FCHSD2: variants seen among roughly 807,000 people sequenced by gnomAD.
The protein encoded by FCHSD2 is FCH and double SH3 domains 2, also known as F-BAR and double SH3 domains protein 2.
In FCHSD2, 38 loss-of-function variants were observed where a neutral mutation model predicts 108.1. The ratio of observed to expected loss-of-function variants is 0.35; its 90% confidence interval spans 0.27 to 0.46. FCHSD2 has a LOEUF of 0.46. FCHSD2 is among the 20% of genes least tolerant of loss of function. The probability of loss-of-function intolerance (pLI) is 1.00; values close to 1 mark genes in which losing one functional copy is unlikely to be tolerated. For missense variants in FCHSD2, 751 were observed against 897.8 expected (o/e 0.84, Z 2.09); for synonymous variants, 279 against 314.7 (o/e 0.89, Z 1.20).
chr11:73,020,791 A>G (rs1858083552), intron 3 of FCHSD2, among the ~76,000 whole-genome samples: 1 of 151,954 alleles, frequency 6.6e-6, no homozygotes, highest in Admixed American at 6.6e-5. Flanking sequence ...ATTAAAAACT[A>G]AAGGTATCTT....
At chr11:72,925,199 G>C (rs1856053066) in intron 8 of FCHSD2, among the ~76,000 whole-genome samples, 1 of 152,130 alleles carries the variant, frequency 6.6e-6, no homozygotes, top group East Asian at 1.9e-4. Context: ...GAGAAAAGTT[G>C]AAGAAAAGAA....
chr11:72,986,018 G>A (rs1053580896), intron 6 of FCHSD2, among the ~76,000 whole-genome samples: 2 of 152,174 alleles, frequency 1.3e-5, no homozygotes, highest in Non-Finnish European at 2.9e-5. Context: ...GGGACTGGAT[G>A]ATGGAGCAGT....
intron 9 of FCHSD2, among the ~76,000 whole-genome samples, chr11:72,907,846 G>A (rs1387803726): frequency 6.6e-6 from 1 of 152,034 alleles, no homozygotes; most frequent in East Asian, 1.9e-4. Context: ...GCCCACCTTG[G>A]CCTCCCAAAG....
intron 3 of FCHSD2, among the ~76,000 whole-genome samples, chr11:73,032,476 T>C (rs561716891): frequency 3.3e-5 from 5 of 152,154 alleles, no homozygotes; most frequent in Non-Finnish European, 7.3e-5. Flanking sequence ...TTCTCCCGAC[T>C]TGGCATCCCA....
intron 12 of FCHSD2, among the ~76,000 whole-genome samples, chr11:72,885,000 A>T (rs1855167243): frequency 6.6e-6 from 1 of 152,230 alleles, no homozygotes; most frequent in African/African-American, 2.4e-5. Context: ...AGGTATTTAT[A>T]ATAAATAAAG....
At chr11:72,908,422 G>C (rs568976088) in intron 9 of FCHSD2, among the ~76,000 whole-genome samples, 2 of 152,268 alleles carry the variant, frequency 1.3e-5, no homozygotes, top group African/African-American at 4.8e-5. Context: ...TGAATCATAA[G>C]GCAGTTCTAT....
intron 8 of FCHSD2, among the ~76,000 whole-genome samples, chr11:72,934,399 C>T (rs1014902563): frequency 3.3e-5 from 5 of 149,762 alleles, no homozygotes; most frequent in South Asian, 2.1e-4. Flanking sequence ...GGCACTATCT[C>T]GGCTCACTGC....
intron 8 of FCHSD2, among the ~76,000 whole-genome samples, chr11:72,977,585 C>T (rs1324850159): frequency 6.6e-6 from 1 of 152,260 alleles, no homozygotes; most frequent in Non-Finnish European, 1.5e-5. Context: ...GATACCATCT[C>T]ACACCAGTTA....
intron 9 of FCHSD2, among the ~76,000 whole-genome samples, chr11:72,919,192 A>G (rs1855933634): frequency 6.6e-6 from 1 of 152,196 alleles, no homozygotes; most frequent in Non-Finnish European, 1.5e-5. Context: ...GAGCAGCATA[A>G]CAAGCTCTTC....
At chr11:72,921,506 C>T (rs1345013704) in intron 9 of FCHSD2, among the ~76,000 whole-genome samples, 1 of 152,178 alleles carries the variant, frequency 6.6e-6, no homozygotes. Flanking sequence ...TGTTGTTTCC[C>T]CCATGTGAGC....
chr11:73,048,408 T>TA (rs1488822454), intron 3 of FCHSD2, among the ~76,000 whole-genome samples: 2 of 152,232 alleles, frequency 1.3e-5, no homozygotes, highest in African/African-American at 4.8e-5. Context: ...ATGGCTTGGT[T>TA]AGCTGTGTAT....
intron 9 of FCHSD2, among the ~76,000 whole-genome samples, chr11:72,919,773 A>AT (rs1591398736): frequency 6.6e-6 from 1 of 151,738 alleles, no homozygotes; most frequent in Non-Finnish European, 1.5e-5. Context: ...ATTAGAATAA[A>AT]TGTCGTTGGA....
At chr11:72,908,325 T>C (rs947233395) in intron 9 of FCHSD2, among the ~76,000 whole-genome samples, 2 of 119,958 alleles carry the variant, frequency 1.7e-5, no homozygotes, top group Admixed American at 1.8e-4. Flanking sequence ...CTATTGTGAA[T>C]AGTGCTGCAA....
intron 13 of FCHSD2, among the ~76,000 whole-genome samples, chr11:72,867,231 C>T (rs1235861285): frequency 6.6e-6 from 1 of 152,170 alleles, no homozygotes; most frequent in Non-Finnish European, 1.5e-5. Flanking sequence ...TATGTAATAT[C>T]AGGCAAATCA....
intron 3 of FCHSD2, among the ~76,000 whole-genome samples, chr11:73,054,193 A>G (rs1403258929): frequency 1.3e-5 from 2 of 152,100 alleles, no homozygotes; most frequent in Admixed American, 6.5e-5. Context: ...CCCTCAAAGC[A>G]TAAAATATTT....
At chr11:73,139,949 C>T (rs923155907) in intron 2 of FCHSD2, 82 bp downstream of exon 2, 1 of 708,306 alleles carries the variant, frequency 1.4e-6, no homozygotes, top group Non-Finnish European at 2.3e-6. Flanking sequence ...GAAATTCCAT[C>T]ATCAGTTCCT....
chr11:72,948,242 A>C (rs1417233586), intron 8 of FCHSD2, among the ~76,000 whole-genome samples: 4 of 152,130 alleles, frequency 2.6e-5, no homozygotes, highest in African/African-American at 9.7e-5. Flanking sequence ...TCCTGGACTC[A>C]AGCAATCCAC....
intron 2 of FCHSD2, among the ~76,000 whole-genome samples, chr11:73,099,942 C>A (rs573220087): frequency 5.1e-4 from 77 of 152,320 alleles, no homozygotes; most frequent in African/African-American, 1.8e-3. Flanking sequence ...AGGCCTTTCC[C>A]GAGCTCTAAG....
intron 8 of FCHSD2, among the ~76,000 whole-genome samples, chr11:72,971,021 T>C (rs147250096): frequency 3.3e-5 from 5 of 152,266 alleles, no homozygotes; most frequent in Admixed American, 2.6e-4. Context: ...TTTGAGTTTC[T>C]CTAGCTGATG....
Sources: gnomAD v4.1 joint callset for allele counts (sites outside exome capture counted in the v4.1 genomes callset) on GRCh38, gnomAD v4.1.1 for gene constraint, MANE v1.5 for transcripts, NCBI Gene and HGNC (gene_info 2026-07-23, HGNC 2026-07-21) for gene names.